PRCD: variants seen among roughly 807,000 people sequenced by gnomAD.
PRCD encodes photoreceptor disk component PRCD.
In PRCD, 12 loss-of-function variants were observed where a neutral mutation model predicts 10.1. The ratio of observed to expected loss-of-function variants is 1.18; its 90% confidence interval spans 0.76 to 1.92. The LOEUF (loss-of-function observed/expected upper bound fraction) is 1.92, where lower values mean the gene tolerates loss of function less well. Among genes scored for constraint, PRCD ranks in the 40% most tolerant of loss-of-function variants. The probability of loss-of-function intolerance (pLI) is 0.00; values close to 1 mark genes in which losing one functional copy is unlikely to be tolerated. For missense variants in PRCD, 61 were observed against 72.2 expected (o/e 0.84, Z 0.56); for synonymous variants, 31 against 26.2 (o/e 1.18, Z -0.56).
chr17:76,531,345 G>A lies in PRCD; in HGVS notation n.45+3512G>A, dbSNP rs188634736. ...CTGCCGGGCACTGCCCCTCCCTCTC[G>A]CAGCCACTCCGGGGATCACCTCTGT... On this transcript the variant is annotated intron_variant and non_coding_transcript_variant, in intron 1 of 4. Coordinates refer to the PRCD transcript ENST00000397633. The surrounding 1 kb of genome is among the most constrained non-coding windows in gnomAD (Gnocchi z 7.4). The A allele has an allele frequency of 5.5e-5, 75 of 1,355,166 alleles. No homozygotes were observed. The African/African-American group carries it at 9.5e-4, about 17-fold the overall frequency. 83.9% of individuals were successfully genotyped at this position (1,355,166 alleles called of 1,614,324 possible).
In PRCD at chr17:76,528,371, G is replaced by T. The variant is rs1386436017; in HGVS notation, n.45+538G>T. ...AAGAGTGGGCCCCGCTCTGCCCGCC[G>T]CGCTGGGGTCAGCATCCAGGCAGCC... is the stretch of plus-strand genomic sequence containing the variant. On this transcript the variant is annotated intron_variant and non_coding_transcript_variant, in intron 1 of 4. Transcript: ENST00000397633. This position sits in a 1 kb window ranked among gnomAD's most constrained non-coding sequence, Gnocchi z 5.8. 2 of 424,394 alleles carry T rather than the reference G, an allele frequency of 4.7e-6. No individual in the cohort carries two copies. Among genetic ancestry groups the T allele is most frequent in the African/African-American group, 4.1e-5 (2 of 48,960 alleles). 26.3% of individuals were successfully genotyped at this position (424,394 alleles called of 1,614,324 possible).
chr17:76,535,779 T>A (rs1050893959), upstream of PRCD, among the ~76,000 whole-genome samples: 1 of 152,212 alleles, frequency 6.6e-6, no homozygotes, highest in South Asian at 2.1e-4. Flanking sequence ...TGCCCTACCC[T>A]GGTCCCCTTC....
At chr17:76,548,448 G>A (rs2075077685), downstream of PRCD, among the ~76,000 whole-genome samples, 2 of 152,220 alleles carry the variant, frequency 1.3e-5, no homozygotes, top group African/African-American at 2.4e-5. Context: ...TGTCAGGAGT[G>A]ACACTCGAGG....
upstream of PRCD, among the ~76,000 whole-genome samples, chr17:76,536,707 G>A (rs2074917499): frequency 6.6e-6 from 1 of 152,078 alleles, no homozygotes; most frequent in African/African-American, 2.4e-5. Context: ...TCCCTAGGTG[G>A]GAGGTTTTAG....
chr17:76,547,727 TCA>T (rs574997747), downstream of PRCD, among the ~76,000 whole-genome samples: 112 of 121,660 alleles, frequency 9.2e-4, no homozygotes, highest in African/African-American at 3.0e-3. Context: ...ACACATACAT[TCA>T]CACACACACA....
At chr17:76,536,378 AC>A (rs60267602), upstream of PRCD, among the ~76,000 whole-genome samples, 35 of 152,158 alleles carry the variant, frequency 2.3e-4, no homozygotes, top group African/African-American at 8.2e-4. Flanking sequence ...GCGAGGCTTC[AC>A]CCCATCTGCA....
chr17:76,529,477 G>A, intron 1 of PRCD: 1 of 985,426 alleles, frequency 1.0e-6, no homozygotes, highest in Non-Finnish European at 1.2e-6. Flanking sequence ...GCAGCGTGCT[G>A]GGGAACTTGG....
rs1326745253 is a variant in PRCD at position 76,531,389 on chromosome 17, C to T, written n.45+3556C>T. The T allele has an allele frequency of 1.9e-6, 3 of 1,542,570 alleles. No individual in the cohort carries two copies. The East Asian group carries it at 6.8e-5, about 35-fold the overall frequency. On this transcript the variant is annotated intron_variant and non_coding_transcript_variant, in intron 1 of 4. Coordinates refer to the PRCD transcript ENST00000397633. The surrounding 1 kb of genome is among the most constrained non-coding windows in gnomAD (Gnocchi z 7.4). ...CCTCTGTTGCTCCAGAGAGCCGTCG[C>T]AGAGCCTGCGAGCTGCAGATGGCCA... is the stretch of plus-strand genomic sequence containing the variant.
rs1451862673 is a variant in PRCD at position 76,544,194 on chromosome 17, C to T, written c.*544C>T. On this transcript the variant is annotated 3_prime_UTR_variant, in exon 5 of 5. Transcript: ENST00000592014. ...CTCACAGCTATTAGTCTTCAAAAAC[C>T]CCCCGTGCCTCTGTGCACACGCGTC... 6.6e-6 allele frequency: 3 copies of T among 454,420 alleles called. No homozygotes were observed. The highest frequency in any genetic ancestry group is 2.3e-5 in the Admixed American group (1 of 42,554). The allele number at this position is 454,420 out of a possible 1,614,324, so 28.1% of individuals were successfully genotyped here.
At chr17:76,537,058 T>C (rs2074923318), upstream of PRCD, among the ~76,000 whole-genome samples, 1 of 152,188 alleles carries the variant, frequency 6.6e-6, no homozygotes, top group Non-Finnish European at 1.5e-5. Context: ...CTATACTACC[T>C]TTGAAAGGCC....
chr17:76,547,832 AAC>A (rs1202359318), downstream of PRCD, among the ~76,000 whole-genome samples: 5 of 133,264 alleles, frequency 3.8e-5, no homozygotes, highest in Non-Finnish European at 6.1e-5. Context: ...ACACACACAC[AAC>A]ACACATTCAC....
rs1052907848 is a variant in PRCD at position 76,540,047 on chromosome 17, C to T, written c.-95C>T. 1.4e-4 allele frequency: 176 copies of T among 1,295,186 alleles called. 1 individual carries two copies. Among genetic ancestry groups the T allele is most frequent in the Non-Finnish European group, 1.8e-4 (161 of 914,368 alleles). The allele number at this position is 1,295,186 out of a possible 1,614,324, so 80.2% of individuals were successfully genotyped here. A position where few individuals can be genotyped will look rare whatever the true frequency, so the allele number is the denominator to read the frequency against. On this transcript the variant is annotated 5_prime_UTR_variant, in exon 1 of 5. It adds an upstream start codon to the 5' untranslated region. Coordinates refer to ENST00000592014, the MANE Select transcript of PRCD (RefSeq NM_001077620.3). This position sits in a 1 kb window ranked among gnomAD's most constrained non-coding sequence, Gnocchi z 5.0. Reference sequence around the variant, plus strand: ...TCCCCAGCAGGAACCGCAGGACAGACGGCAGTGGCTCCTGAGAGCTGGCTG... The same window carrying T: ...TCCCCAGCAGGAACCGCAGGACAGATGGCAGTGGCTCCTGAGAGCTGGCTG...
At position 76,528,860 on chromosome 17, in the gene PRCD, TGTCTTGTGACATAAA is replaced by T. The variant is rs2074797968; in HGVS notation, n.45+1028_45+1042del. On this transcript the variant is annotated intron_variant and non_coding_transcript_variant, in intron 1 of 4. Coordinates refer to the PRCD transcript ENST00000397633. This position sits in a 1 kb window ranked among gnomAD's most constrained non-coding sequence, Gnocchi z 5.8. ...TTTTCTCTAAAATGTGAATAATGTC[TGTCTTGTGACATAAA>T]CTGGGTAAAAAAGTGTTTCACAAAC... The T allele has an allele frequency of 1.4e-5, 17 of 1,218,158 alleles. No individual in the cohort carries two copies. Among genetic ancestry groups the T allele is most frequent in the Non-Finnish European group, 1.6e-5 (16 of 977,290 alleles). The allele number at this position is 1,218,158 out of a possible 1,614,324, so 75.5% of individuals were successfully genotyped here. A position where few individuals can be genotyped will look rare whatever the true frequency, so the allele number is the denominator to read the frequency against.
rs1416887765 is a variant in PRCD, at chr17:76,528,549, T to C, written n.45+716T>C. On this transcript the variant is annotated intron_variant and non_coding_transcript_variant, in intron 1 of 4. Transcript: ENST00000397633. The surrounding 1 kb of genome is among the most constrained non-coding windows in gnomAD (Gnocchi z 5.8). Reference sequence around the variant, plus strand: ...GAACTCGGCCTTCTGCTCGAGGTGCTGCCAGGGAGGGGGGTGGAGTTAGGG... The same window carrying C: ...GAACTCGGCCTTCTGCTCGAGGTGCCGCCAGGGAGGGGGGTGGAGTTAGGG... 1 of 1,264,890 alleles carries C rather than the reference T, an allele frequency of 7.9e-7. No homozygotes were observed. The highest frequency in any genetic ancestry group is 1.0e-6 in the Non-Finnish European group (1 of 994,342). 78.4% of individuals were successfully genotyped at this position (1,264,890 alleles called of 1,614,324 possible). A position where few individuals can be genotyped will look rare whatever the true frequency, so the allele number is the denominator to read the frequency against.
chr17:76,544,839 C>G lies in PRCD; in HGVS notation c.*1189C>G. The G allele has an allele frequency of 2.2e-6, 1 of 456,800 alleles. No homozygotes were observed. The highest frequency in any genetic ancestry group is 4.4e-6 in the Non-Finnish European group (1 of 226,984). 28.3% of individuals were successfully genotyped at this position (456,800 alleles called of 1,614,324 possible). Reference sequence around the variant, plus strand: ...CCACTGGTCTGAGGAATTGTCAGGCCAAGGTCATGGAGCTGGCTCACGGCC... The same window carrying G: ...CCACTGGTCTGAGGAATTGTCAGGCGAAGGTCATGGAGCTGGCTCACGGCC... On this transcript the variant is annotated 3_prime_UTR_variant, in exon 5 of 5. Coordinates refer to ENST00000592014, the MANE Select transcript of PRCD (RefSeq NM_001077620.3).
chr17:76,539,073 T>G (rs924542787), upstream of PRCD, among the ~76,000 whole-genome samples: 47 of 152,080 alleles, frequency 3.1e-4, no homozygotes, highest in African/African-American at 1.1e-3. Context: ...TGACACTGTC[T>G]CCCCCTTGTT....
rs976174867 is a variant in PRCD, at chr17:76,545,350, G to A, written c.*1700G>A. ...GGCAAGGGTGGACCTTTAAATGGGG[G>A]AATTAAATCCTGACTATGACACTGT... On this transcript the variant is annotated 3_prime_UTR_variant, in exon 5 of 5. Coordinates refer to ENST00000592014, the MANE Select transcript of PRCD (RefSeq NM_001077620.3). 1 of 456,716 alleles carries A rather than the reference G, an allele frequency of 2.2e-6. No homozygotes were observed. Among genetic ancestry groups the A allele is most frequent in the Middle Eastern group, 3.3e-4 (1 of 3,064 alleles). The allele number at this position is 456,716 out of a possible 1,614,324, so 28.3% of individuals were successfully genotyped here.
At position 76,528,335 on chromosome 17, in the gene PRCD, G is replaced by A. The variant is rs1193982336; in HGVS notation, n.45+502G>A. ...CTAGGTCTCTCTCTAACAGTGAGTA[G>A]AAAAGCTAAGAAGAGTGGGCCCCGC... On this transcript the variant is annotated intron_variant and non_coding_transcript_variant, in intron 1 of 4. Transcript: ENST00000397633. This position sits in a 1 kb window ranked among gnomAD's most constrained non-coding sequence, Gnocchi z 5.8. 9.9e-6 allele frequency: 4 copies of A among 404,394 alleles called. No individual in the cohort carries two copies. The highest frequency in any genetic ancestry group is 3.6e-5 in the East Asian group (1 of 28,090). The allele number at this position is 404,394 out of a possible 1,614,324, so 25.1% of individuals were successfully genotyped here. A position where few individuals can be genotyped will look rare whatever the true frequency, so the allele number is the denominator to read the frequency against.
rs1324990017 is a variant in PRCD, at chr17:76,552,879, AAAAT to A, written n.84-228_84-225del. On this transcript the variant is annotated intron_variant and non_coding_transcript_variant, in intron 1 of 1. Transcript: ENST00000587063. ...AGCTCTGTCTCAAAAAAAAAAAAAA[AAAAT>A]ATATATATATATATAAAAATATATA... The A allele has an allele frequency of 7.3e-4, 78 of 107,494 alleles. 1 individual carries two copies. Among genetic ancestry groups the A allele is most frequent in the African/African-American group, 2.7e-3 (76 of 27,988 alleles). The allele number at this position is 107,494 out of a possible 1,614,324, so 6.7% of individuals were successfully genotyped here.
Sources: allele counts gnomAD v4.1 joint callset (sites outside exome capture counted in the v4.1 genomes callset), GRCh38; gene constraint gnomAD v4.1.1; non-coding constraint Gnocchi (gnomAD v3.1); transcripts MANE v1.5; gene names NCBI Gene and HGNC (gene_info 2026-07-23, HGNC 2026-07-21).